RPF2: variants seen among roughly 807,000 people sequenced by gnomAD.
The protein encoded by RPF2 is brix domain containing 1.
RPF2 carries 21 observed loss-of-function variants against 38.9 expected under a neutral mutation model. That is an observed-to-expected ratio of 0.54 (90% CI 0.38 to 0.78). The LOEUF is 0.78. Ranked by LOEUF, RPF2 falls within the 30% of genes least tolerant of loss-of-function variation. The pLI, the probability that RPF2 is intolerant of heterozygous loss-of-function variation, is 0.00. For synonymous variants in RPF2, 121 were observed against 126.2 expected (o/e 0.96, Z 0.28); for missense variants, 314 against 358.1 (o/e 0.88, Z 0.99).
chr6:110,999,909 A>C (rs367618526), intron 6 of RPF2, 122 bp downstream of exon 6: 1 of 576,246 alleles, frequency 1.7e-6, no homozygotes, highest in Admixed American at 2.9e-5. Context: ...TTATTTTGAC[A>C]TGCTCCAGGA....
At position 111,025,491 on chromosome 6, in the gene RPF2, A is replaced by G. The variant is rs764963268; in HGVS notation, c.830A>G (p.Gln277Arg). 2 of 1,613,886 alleles carry G rather than the reference A, an allele frequency of 1.2e-6. No homozygotes were observed. The highest frequency in any genetic ancestry group is 1.7e-6 in the Non-Finnish European group (2 of 1,179,852). Residue 277 changes from glutamine to arginine, a missense_variant, in exon 10 of 10, where the codon CAA becomes CGA. By Grantham distance (43) the Gln-to-Arg change is conservative. Coordinates refer to ENST00000441448, the MANE Select transcript of RPF2 (RefSeq NM_032194.3). ...HMQKQDLSKL[Q>R]TRKMKGLKKR... ...CAGAAGCAAGACCTAAGCAAACTAC[A>G]AACCAGGAAAATGAAGGGGTTGAAG...
intron 8 of RPF2, among the ~76,000 whole-genome samples, chr6:111,019,425 G>C (rs1414030065): frequency 6.6e-6 from 1 of 152,080 alleles, no homozygotes; most frequent in African/African-American, 2.4e-5. Context: ...AGGTGGCAGA[G>C]TGAGACTGTC....
intron 4 of RPF2, among the ~76,000 whole-genome samples, chr6:110,993,026 G>A (rs750421049): frequency 2.6e-5 from 4 of 152,160 alleles, no homozygotes; most frequent in Non-Finnish European, 4.4e-5. Flanking sequence ...GCATTGGAAT[G>A]ATCTCTGCTC....
intron 8 of RPF2, among the ~76,000 whole-genome samples, chr6:111,016,688 T>C (rs1191788867): frequency 5.0e-4 from 50 of 99,986 alleles, no homozygotes; most frequent in African/African-American, 2.1e-3. Context: ...TTTTTCTTTC[T>C]TTTTTTTTTT....
chr6:110,997,003 T>G (rs1771722946), intron 4 of RPF2, among the ~76,000 whole-genome samples, 180 bp from the exon 5 acceptor site: 1 of 152,152 alleles, frequency 6.6e-6, no homozygotes, highest in South Asian at 2.1e-4. Context: ...GGTCTTACCT[T>G]GTTGGCCAGG....
rs1242933981 is a variant in RPF2 at position 111,024,269 on chromosome 6, C to T, written c.683C>T (p.Thr228Ile). The change falls in exon 9 of 10, where the codon ACA becomes ATA. Residue 228 changes from threonine to isoleucine, a missense_variant. By Grantham distance (89) the Thr-to-Ile change is moderately conservative (BLOSUM62 -1). Coordinates refer to ENST00000441448, the MANE Select transcript of RPF2 (RefSeq NM_032194.3). ...GPSLDLVLRR[T>I]HLASDDLYKL... ...TCATTGGATCTGGTTCTGAGGAGGA[C>T]ACACCTGGCATCGGATGACCTTTAT... The T allele has an allele frequency of 6.2e-7, 1 of 1,611,966 alleles. No individual in the cohort carries two copies. Among genetic ancestry groups the T allele is most frequent in the Admixed American group, 1.7e-5 (1 of 59,952 alleles).
intron 7 of RPF2, among the ~76,000 whole-genome samples, chr6:111,013,970 G>A (rs1039953736): frequency 2.6e-5 from 4 of 151,594 alleles, no homozygotes; most frequent in African/African-American, 4.8e-5. Context: ...GACCCCATCC[G>A]TACATAATAT....
In RPF2 at chr6:111,025,488, T is replaced by A. The variant is rs761599671; in HGVS notation, c.827T>A (p.Leu276Gln). 7 of 1,613,514 alleles carry A rather than the reference T, an allele frequency of 4.3e-6. No individual in the cohort carries two copies. The South Asian group carries it at 7.7e-5, about 18-fold the overall frequency. Reference protein sequence around the residue: ...IHMQKQDLSKLQTRKMKGLKK... With the variant: ...IHMQKQDLSKQQTRKMKGLKK... ...ATGCAGAAGCAAGACCTAAGCAAACTACAAACCAGGAAAATGAAGGGGTTG... is the reference window on the plus strand; with the variant it reads ...ATGCAGAAGCAAGACCTAAGCAAACAACAAACCAGGAAAATGAAGGGGTTG... Residue 276 changes from leucine (L) to glutamine (Q), a missense_variant, in exon 10 of 10, where the codon CTA (leucine) becomes CAA (glutamine). Physicochemically the swap from Leu to Gln is moderately radical, Grantham distance 113. Transcript: ENST00000441448.
rs59258477 is a variant in RPF2, at chr6:110,988,648, G to T, written c.157-380G>T. Among the ~76,000 whole-genome samples the T allele has an allele frequency of 0.038, 5,824 of 152,226 alleles. 528 individuals are homozygous for T. In the East Asian group the frequency reaches 0.41, roughly 11 times the overall value. On this transcript the variant is annotated intron_variant, in intron 2 of 9. Transcript: ENST00000441448. ...GACAGGGTTTTGCCATGTTGCCCAGGCTGGTCTCGAACTCCTGGGCTTGAG... is the reference window on the plus strand; with the variant it reads ...GACAGGGTTTTGCCATGTTGCCCAGTCTGGTCTCGAACTCCTGGGCTTGAG...
chr6:111,013,875 A>G (rs9386985), intron 7 of RPF2, among the ~76,000 whole-genome samples: 19,673 of 151,976 alleles, frequency 0.13, 1,726 homozygotes, highest in East Asian at 0.49. Flanking sequence ...GGTGGCTCAA[A>G]CCTGTAATCC....
At chr6:111,021,101 G>A (rs778247141) in intron 8 of RPF2, among the ~76,000 whole-genome samples, 6 of 152,010 alleles carry the variant, frequency 3.9e-5, no homozygotes, top group Non-Finnish European at 8.8e-5. Context: ...CCACGGAGTC[G>A]GAGATTGCAG....
intron 7 of RPF2, among the ~76,000 whole-genome samples, chr6:111,014,264 G>A (rs2114340748): frequency 6.6e-6 from 1 of 151,952 alleles, no homozygotes; most frequent in South Asian, 2.1e-4. Context: ...AGCCTCCCAA[G>A]TAGCTAGGGA....
At chr6:110,984,883 T>C in intron 1 of RPF2, 123 bp from the exon 2 acceptor site, 1 of 1,090,294 alleles carries the variant, frequency 9.2e-7, no homozygotes, top group Non-Finnish European at 1.3e-6. Flanking sequence ...AAAGTGAGAT[T>C]TTTTTTAAGG....
In RPF2 at chr6:110,985,112, A is replaced by G; in HGVS notation, c.130A>G (p.Thr44Ala). ...MLIKGGNANA[T>A]VTKVLKDVYA... ...GATTAAAGGGGGAAATGCAAATGCA[A>G]CAGTGACAAAAGTACTTAAAGATGT... The change falls in exon 2 of 10, where the codon ACA becomes GCA. Residue 44 changes from threonine (T) to alanine (A), a missense_variant. Thr to Ala is a moderately conservative substitution (Grantham distance 58). Coordinates refer to ENST00000441448, the MANE Select transcript of RPF2 (RefSeq NM_032194.3). 3 of 1,613,754 alleles carry G rather than the reference A, an allele frequency of 1.9e-6. No homozygotes were observed. The highest frequency in any genetic ancestry group is 2.5e-6 in the Non-Finnish European group (3 of 1,179,730).
rs1360277548 is a variant in RPF2, at chr6:111,025,409, A to G, written c.748A>G (p.Lys250Glu). The G allele has an allele frequency of 1.3e-6, 2 of 1,598,748 alleles. No individual in the cohort carries two copies. The highest frequency in any genetic ancestry group is 2.7e-5 in the African/African-American group (2 of 74,162). ...MKMPKALKPKKKKNISHDTFG... is the reference protein window; with the variant it reads ...MKMPKALKPKEKKNISHDTFG... The stretch of plus-strand genomic sequence containing the variant: ...ACATATTCTTTTATCGTAGCCAAAG[A>G]AGAAGAAAAATATTTCCCATGATAC... Residue 250 changes from lysine (K) to glutamate (E), a missense_variant, in exon 10 of 10, where the codon AAG becomes GAG. By Grantham distance (56) the Lys-to-Glu change is moderately conservative. Coordinates refer to ENST00000441448, the MANE Select transcript of RPF2 (RefSeq NM_032194.3).
chr6:110,999,613 G>A (rs1002644909), intron 5 of RPF2, 98 bp from the exon 6 acceptor site: 6 of 717,798 alleles, frequency 8.4e-6, no homozygotes, highest in Non-Finnish European at 1.0e-5. Context: ...AGAAAAAAGA[G>A]GCAGATATTA....
chr6:110,987,599 ACT>A (rs1200324875), intron 2 of RPF2, among the ~76,000 whole-genome samples: 5 of 151,992 alleles, frequency 3.3e-5, no homozygotes, highest in East Asian at 1.9e-4. Flanking sequence ...CATCATGATG[ACT>A]CTGAGTCATC....
intron 8 of RPF2, among the ~76,000 whole-genome samples, chr6:111,018,360 T>A (rs1772169689): frequency 6.6e-6 from 1 of 152,202 alleles, no homozygotes; most frequent in Non-Finnish European, 1.5e-5. Context: ...CCTTTCTCTG[T>A]ACATTGAGTT....
intron 8 of RPF2, among the ~76,000 whole-genome samples, chr6:111,017,435 GGGGGC>G (rs1772142450): frequency 6.9e-6 from 1 of 145,356 alleles, no homozygotes; most frequent in East Asian, 2.2e-4. Context: ...TGCCGGATGG[GGGGGC>G]TCCTCACTTC....
Sources: allele counts gnomAD v4.1 joint callset (sites outside exome capture counted in the v4.1 genomes callset), GRCh38; gene constraint gnomAD v4.1.1; transcripts MANE v1.5; gene names NCBI Gene and HGNC (gene_info 2026-07-23, HGNC 2026-07-21).